Variants in NOVA1 observed in about 807,000 individuals in gnomAD.
NOVA1 encodes RNA-binding protein Nova-1.
Under a neutral mutation model 38.0 loss-of-function variants are expected in NOVA1, and 7 were observed. The observed-to-expected ratio is 0.18, with a 90% confidence interval of 0.10 to 0.35. The LOEUF is 0.35. NOVA1 is among the 10% of genes least tolerant of loss of function. NOVA1 has a pLI of 1.00. For synonymous variants in NOVA1, 270 were observed against 232.5 expected, an observed-to-expected ratio of 1.16 and a Z score of -1.47; for missense variants, 460 against 616.0, an observed-to-expected ratio of 0.75 and a Z score of 2.68.
intron 4 of NOVA1, among the ~76,000 whole-genome samples, chr14:26,458,003 T>C (rs1883323711): frequency 6.6e-6 from 1 of 151,876 alleles, no homozygotes. Flanking sequence ...AACAACCCCA[T>C]TAAAAATGGG....
chr14:26,485,485 T>C (rs1186315867), intron 2 of NOVA1, among the ~76,000 whole-genome samples: 1 of 152,172 alleles, frequency 6.6e-6, no homozygotes, highest in Non-Finnish European at 1.5e-5. Context: ...TTTTTTTCTT[T>C]TTCCTAGGGT....
intron 2 of NOVA1, among the ~76,000 whole-genome samples, chr14:26,492,648 G>T (rs1479763998): frequency 6.6e-6 from 1 of 152,092 alleles, no homozygotes; most frequent in Non-Finnish European, 1.5e-5. Flanking sequence ...CTATAATGCT[G>T]AGAACAAATA....
At chr14:26,509,820 A>G (rs955160673) in intron 2 of NOVA1, among the ~76,000 whole-genome samples, 2 of 152,164 alleles carry the variant, frequency 1.3e-5, no homozygotes, top group African/African-American at 4.8e-5. Context: ...AGCTGAGATT[A>G]CAGGCATATG....
At chr14:26,509,451 C>T (rs1887891878) in intron 2 of NOVA1, among the ~76,000 whole-genome samples, 1 of 152,094 alleles carries the variant, frequency 6.6e-6, no homozygotes, top group African/African-American at 2.4e-5. Context: ...GTATGAGAAG[C>T]AATGAAAAGG....
At chr14:26,500,945 TA>T (rs1473548375) in intron 2 of NOVA1, among the ~76,000 whole-genome samples, 2 of 151,992 alleles carry the variant, frequency 1.3e-5, no homozygotes, top group Admixed American at 6.6e-5. Flanking sequence ...TCCTCAGCTC[TA>T]AATGATTCAC....
intron 2 of NOVA1, among the ~76,000 whole-genome samples, chr14:26,537,944 T>C (rs1425867841): frequency 1.3e-5 from 2 of 152,100 alleles, no homozygotes; most frequent in Non-Finnish European, 2.9e-5. Flanking sequence ...CTCACAGTCA[T>C]GAGTGAAGAT....
chr14:26,584,347 A>C (rs1482034007), intron 2 of NOVA1, among the ~76,000 whole-genome samples: 1 of 151,522 alleles, frequency 6.6e-6, no homozygotes, highest in Non-Finnish European at 1.5e-5. Context: ...ATACTTTTGA[A>C]CAACTGGGCA....
chr14:26,510,574 G>C (rs1432026223), intron 2 of NOVA1, among the ~76,000 whole-genome samples: 2 of 152,058 alleles, frequency 1.3e-5, no homozygotes, highest in African/African-American at 4.8e-5. Flanking sequence ...CTGAGGGTTG[G>C]GGATGGTGGA....
In NOVA1 at chr14:26,480,182, C is replaced by A. The variant is rs548516963; in HGVS notation, c.281-39G>T. The A allele has an allele frequency of 3.2e-6, 5 of 1,543,036 alleles. No individual in the cohort carries two copies. The South Asian group carries it at 4.8e-5, about 15-fold the overall frequency. ...ATTGATTTTCAGAAAATATTCCACA[C>A]TTTGCATTAAAAAAATTATGAAAAA... On this transcript the variant is annotated intron_variant, in intron 2 of 4. Coordinates refer to ENST00000539517, the MANE Select transcript of NOVA1 (RefSeq NM_002515.3).
At chr14:26,550,369 GTCC>G (rs1891086212) in intron 2 of NOVA1, among the ~76,000 whole-genome samples, 1 of 152,124 alleles carries the variant, frequency 6.6e-6, no homozygotes, top group Admixed American at 6.5e-5. Flanking sequence ...TTTGAAATTA[GTCC>G]TCAACAACTA....
intron 3 of NOVA1, 160 bp downstream of exon 3, chr14:26,479,817 G>C: frequency 1.5e-6 from 1 of 665,332 alleles, no homozygotes; most frequent in Non-Finnish European, 2.5e-6. Flanking sequence ...TCAATCTAAG[G>C]ATGAGACCTT....
At chr14:26,487,813 T>C (rs2145519) in intron 2 of NOVA1, among the ~76,000 whole-genome samples, 3 of 152,138 alleles carry the variant, frequency 2.0e-5, no homozygotes, top group African/African-American at 7.2e-5. Context: ...AAGAAATGAT[T>C]GACCCTTCTT....
At chr14:26,469,470 A>G (rs1327245141) in intron 4 of NOVA1, among the ~76,000 whole-genome samples, 1 of 152,204 alleles carries the variant, frequency 6.6e-6, no homozygotes, top group Admixed American at 6.5e-5. Context: ...CACTTGACAG[A>G]TAAGAAATTA....
At chr14:26,590,764 T>C (rs1166211762) in intron 2 of NOVA1, among the ~76,000 whole-genome samples, 1 of 151,848 alleles carries the variant, frequency 6.6e-6, no homozygotes, top group Non-Finnish European at 1.5e-5. Context: ...TTTGGGGTAG[T>C]ATTTGCAAGG....
At chr14:26,551,754 T>G (rs2138644448) in intron 2 of NOVA1, among the ~76,000 whole-genome samples, 1 of 152,170 alleles carries the variant, frequency 6.6e-6, no homozygotes, top group East Asian at 1.9e-4. Context: ...ATCACATTTT[T>G]TTAAAAAGTA....
intron 2 of NOVA1, among the ~76,000 whole-genome samples, chr14:26,586,965 G>A (rs529093873): frequency 3.7e-4 from 54 of 144,586 alleles, no homozygotes; most frequent in Non-Finnish European, 5.0e-4. Flanking sequence ...GAGAGAGGAG[G>A]TAAGGACTTA....
intron 2 of NOVA1, among the ~76,000 whole-genome samples, chr14:26,551,828 G>T (rs1891178787): frequency 1.3e-5 from 2 of 151,680 alleles, no homozygotes; most frequent in South Asian, 2.1e-4. Context: ...TTTTTCTGTA[G>T]ATATAAAGAT....
chr14:26,550,434 G>C (rs1891090483), intron 2 of NOVA1, among the ~76,000 whole-genome samples: 1 of 152,092 alleles, frequency 6.6e-6, no homozygotes, highest in Admixed American at 6.6e-5. Flanking sequence ...AATTAAGATA[G>C]ACCCTAAACA....
chr14:26,499,747 A>G (rs946338910), intron 2 of NOVA1, among the ~76,000 whole-genome samples: 26 of 152,134 alleles, frequency 1.7e-4, no homozygotes, highest in Admixed American at 4.6e-4. Context: ...GTAGTGTTAT[A>G]TGGCTATGGC....
Sources: gnomAD v4.1 joint callset for allele counts (sites outside exome capture counted in the v4.1 genomes callset) on GRCh38, gnomAD v4.1.1 for gene constraint, MANE v1.5 for transcripts, NCBI Gene and HGNC (gene_info 2026-07-23, HGNC 2026-07-21) for gene names.